Variants in RPF1 observed in about 807,000 individuals in gnomAD.
RPF1 encodes the protein ribosome production factor 1 homolog, also known as ribosome production factor 1.
RPF1 carries 34 observed loss-of-function variants against 41.9 expected under a neutral mutation model. That is an observed-to-expected ratio of 0.81 (90% CI 0.62 to 1.08). The LOEUF (loss-of-function observed/expected upper bound fraction) is 1.08, where lower values mean the gene tolerates loss of function less well. Ranked by LOEUF, RPF1 falls within the 50% of genes least tolerant of loss-of-function variation. The probability of loss-of-function intolerance (pLI) is 0.00; values close to 1 mark genes in which losing one functional copy is unlikely to be tolerated. For synonymous variants in RPF1, 140 were observed against 148.9 expected (o/e 0.94, Z 0.43); for missense variants, 425 against 435.2 (o/e 0.98, Z 0.21).
chr1:84,488,472 G>T (rs191519650), intron 3 of RPF1, among the ~76,000 whole-genome samples: 20 of 152,156 alleles, frequency 1.3e-4, no homozygotes, highest in African/African-American at 4.6e-4. Context: ...TTTCTAATTT[G>T]TTGGGATATC....
In RPF1 at chr1:84,479,298, A is replaced by AT. The variant is rs1681594318; in HGVS notation, c.18dup (p.Lys7Ter). The AT allele has an allele frequency of 6.2e-6, 10 of 1,604,308 alleles. No individual in the cohort carries two copies. The highest frequency in any genetic ancestry group is 8.5e-6 in the Non-Finnish European group (10 of 1,175,258). ...GCCAAGACCATGGCGAAAGCCGGGG[A>AT]TAAGAGCAGCAGCAGCGGGAAGAAA... On this transcript the variant is annotated frameshift_variant, in exon 1 of 9. Transcript: ENST00000370654. LOFTEE classifies it high-confidence loss of function.
Position 84,498,196 on chromosome 1 carries a change from T to C in RPF1, c.*726T>C, listed in dbSNP as rs1276599206. 2 of 152,408 alleles carry C rather than the reference T, an allele frequency of 1.3e-5. No individual in the cohort carries two copies. Among genetic ancestry groups the C allele is most frequent in the Admixed American group, 6.6e-5 (1 of 15,262 alleles). 9.4% of individuals were successfully genotyped at this position (152,408 alleles called of 1,614,324 possible). A position where few individuals can be genotyped will look rare whatever the true frequency, so the allele number is the denominator to read the frequency against. ...CAGTTTACCTTTAATTCCCTAGCAGTCTTGCCAGATGTATGGCATAAAGTC... is the reference window on the plus strand; with the variant it reads ...CAGTTTACCTTTAATTCCCTAGCAGCCTTGCCAGATGTATGGCATAAAGTC... On this transcript the variant is annotated 3_prime_UTR_variant, in exon 9 of 9. Coordinates refer to ENST00000370654, the MANE Select transcript of RPF1 (RefSeq NM_025065.7).
intron 2 of RPF1, among the ~76,000 whole-genome samples, chr1:84,482,706 G>A (rs1284276863): frequency 1.4e-5 from 2 of 147,118 alleles, no homozygotes; most frequent in African/African-American, 2.6e-5. Context: ...CATTCTTCTA[G>A]TATGTGTGTG....
At position 84,497,521 on chromosome 1, in the gene RPF1, T is replaced by G; in HGVS notation, c.*51T>G. The G allele has an allele frequency of 7.4e-7, 1 of 1,350,276 alleles. No individual in the cohort carries two copies. Among genetic ancestry groups the G allele is most frequent in the Non-Finnish European group, 1.0e-6 (1 of 970,078 alleles). The allele number at this position is 1,350,276 out of a possible 1,614,324, so 83.6% of individuals were successfully genotyped here. On this transcript the variant is annotated 3_prime_UTR_variant, in exon 9 of 9. Transcript: ENST00000370654. The stretch of plus-strand genomic sequence containing the variant: ...TTGCTGAACAGGCCTATCTTGAACT[T>G]TGGTAAATTATTTTTGACAGAATAC...
At chr1:84,494,241 G>T (rs1363708297) in intron 5 of RPF1, among the ~76,000 whole-genome samples, 2 of 152,200 alleles carry the variant, frequency 1.3e-5, no homozygotes, top group African/African-American at 4.8e-5. Context: ...GACAGTAAGG[G>T]TAAAGAGGAT....
At position 84,480,938 on chromosome 1, in the gene RPF1, T is replaced by C. The variant is rs772137057; in HGVS notation, c.229-18T>C. ...TGGTTGTTTCTCAGTATTGTTCTCTTTTTTTTTAACCCTTTAGGAAAAGTT... is the reference window on the plus strand; with the variant it reads ...TGGTTGTTTCTCAGTATTGTTCTCTCTTTTTTTAACCCTTTAGGAAAAGTT... On this transcript the variant is annotated intron_variant, in intron 1 of 8. Coordinates refer to ENST00000370654, the MANE Select transcript of RPF1 (RefSeq NM_025065.7). 4.9e-6 allele frequency: 7 copies of C among 1,429,828 alleles called. No individual in the cohort carries two copies. The highest frequency in any genetic ancestry group is 5.9e-6 in the Non-Finnish European group (6 of 1,019,716). The allele number at this position is 1,429,828 out of a possible 1,614,324, so 88.6% of individuals were successfully genotyped here.
intron 1 of RPF1, among the ~76,000 whole-genome samples, chr1:84,480,678 GA>G (rs1681628249): frequency 1.3e-5 from 2 of 152,122 alleles, no homozygotes; most frequent in Non-Finnish European, 2.9e-5. Context: ...AGGCTTTATG[GA>G]AAAAGGTTAA....
intron 5 of RPF1, among the ~76,000 whole-genome samples, chr1:84,492,553 C>G (rs1681853644): frequency 6.6e-6 from 1 of 152,138 alleles, no homozygotes; most frequent in East Asian, 1.9e-4. Context: ...GGAAATAATA[C>G]CTATCTTTAG....
intron 3 of RPF1, among the ~76,000 whole-genome samples, chr1:84,488,802 A>C (rs1681780576): frequency 6.6e-6 from 1 of 152,120 alleles, no homozygotes; most frequent in Non-Finnish European, 1.5e-5. Flanking sequence ...GCAAATATTG[A>C]GGTGATTATG....
At chr1:84,493,944 C>A (rs757670251) in intron 5 of RPF1, among the ~76,000 whole-genome samples, 2 of 152,008 alleles carry the variant, frequency 1.3e-5, no homozygotes, top group Non-Finnish European at 2.9e-5. Context: ...ATACTAATGT[C>A]TTTTTTCTGT....
intron 8 of RPF1, 145 bp downstream of exon 8, chr1:84,496,515 C>T (rs1476475275): frequency 3.5e-6 from 2 of 571,046 alleles, no homozygotes; most frequent in Admixed American, 3.5e-5. Context: ...ACCACTATAG[C>T]ACGTTTACCT....
In RPF1 at chr1:84,479,479, G is replaced by A. The variant is rs770236342; in HGVS notation, c.198G>A (p.Met66Ile). Residue 66 changes from methionine to isoleucine, a missense_variant, in exon 1 of 9, where the codon ATG becomes ATA. Physicochemically the swap from Met to Ile is conservative, Grantham distance 10. Transcript: ENST00000370654. The part of the protein sequence containing the change: ...EIKNKQRRHL[M>I]FTRWKQQQRK... ...AAAACAAACAGCGGCGACACTTAAT[G>A]TTCACGCGGTGGAAACAGCAGCAGC... The A allele has an allele frequency of 5.0e-6, 8 of 1,614,214 alleles. No homozygotes were observed. Among genetic ancestry groups the A allele is most frequent in the African/African-American group, 1.3e-5 (1 of 75,076 alleles).
Position 84,498,128 on chromosome 1 carries a change from G to GAACTT in RPF1, c.*662_*666dup, listed in dbSNP as rs1479005586. Among the ~76,000 whole-genome samples, 3 of 152,090 alleles carry GAACTT rather than the reference G, an allele frequency of 2.0e-5. No homozygotes were observed. Among genetic ancestry groups the GAACTT allele is most frequent in the African/African-American group, 7.2e-5 (3 of 41,392 alleles). ...AGTAACTCATGGATGGAAACCCGTA[G>GAACTT]AACTTAACAGCCTCCTCCTGACCTT... is the stretch of plus-strand genomic sequence containing the variant. On this transcript the variant is annotated 3_prime_UTR_variant, in exon 9 of 9. Coordinates refer to ENST00000370654, the MANE Select transcript of RPF1 (RefSeq NM_025065.7).
chr1:84,493,740 G>A (rs1681880138), intron 5 of RPF1, among the ~76,000 whole-genome samples: 1 of 152,172 alleles, frequency 6.6e-6, no homozygotes, highest in South Asian at 2.1e-4. Flanking sequence ...ACATAAAAAG[G>A]TGACATTTGA....
At chr1:84,492,762 A>G (rs932727921) in intron 5 of RPF1, among the ~76,000 whole-genome samples, 1 of 152,200 alleles carries the variant, frequency 6.6e-6, no homozygotes, top group Non-Finnish European at 1.5e-5. Context: ...CACTCTTGGC[A>G]GCTTCCAAGA....
chr1:84,493,361 T>G (rs1294727738), intron 5 of RPF1, among the ~76,000 whole-genome samples: 1 of 149,362 alleles, frequency 6.7e-6, no homozygotes. Flanking sequence ...AAGATCTGCC[T>G]GCAGTCCCAG....
At position 84,496,226 on chromosome 1, in the gene RPF1, C is replaced by T; in HGVS notation, c.882-18C>T. On this transcript the variant is annotated intron_variant, in intron 7 of 8. Transcript: ENST00000370654. ...CAATAGCTCATTCAGACTAATTTAA[C>T]TCTTTTTGTCTTTGAAGATACATAT... 6.2e-7 allele frequency: 1 copy of T among 1,604,378 alleles called. No homozygotes were observed. Among genetic ancestry groups the T allele is most frequent in the Non-Finnish European group, 8.5e-7 (1 of 1,175,412 alleles).
intron 4 of RPF1, 54 bp downstream of exon 4, chr1:84,489,782 A>G (rs1198474658): frequency 8.0e-6 from 8 of 994,230 alleles, no homozygotes; most frequent in South Asian, 5.3e-5. Flanking sequence ...TATTACTTCT[A>G]TTTAAAGTAC....
intron 2 of RPF1, among the ~76,000 whole-genome samples, chr1:84,482,036 A>G (rs1438231705): frequency 6.6e-6 from 1 of 152,224 alleles, no homozygotes; most frequent in East Asian, 1.9e-4. Flanking sequence ...CAGCAAATTA[A>G]TGTTATGATC....
Sources: allele counts gnomAD v4.1 joint callset (sites outside exome capture counted in the v4.1 genomes callset), GRCh38; gene constraint gnomAD v4.1.1; transcripts MANE v1.5; gene names NCBI Gene and HGNC (gene_info 2026-07-23, HGNC 2026-07-21).